Variants in PLEKHS1 observed in about 807,000 individuals in gnomAD.
PLEKHS1 encodes the protein pleckstrin homology domain-containing family S member 1.
Under a neutral mutation model 51.0 loss-of-function variants are expected in PLEKHS1, and 55 were observed. The observed-to-expected ratio is 1.08, with a 90% CI of 0.87 to 1.35. The LOEUF is 1.35. Among genes scored for constraint, PLEKHS1 ranks in the 40% most tolerant of loss-of-function variants. The pLI is 0.00. For synonymous variants in PLEKHS1, 153 were observed against 144.8 expected, an observed-to-expected ratio of 1.06 and a Z score of -0.41; for missense variants, 398 against 423.0, an observed-to-expected ratio of 0.94 and a Z score of 0.52.
chr10:113,777,458 G>A, intron 11 of PLEKHS1, 199 bp downstream of exon 12: 1 of 1,600,306 alleles, frequency 6.2e-7, no homozygotes, highest in Non-Finnish European at 8.5e-7. Context: ...AGAAGGCACT[G>A]AGCTAAGAGA....
At chr10:113,757,406 A>G (rs1161937327) in intron 2 of PLEKHS1, among the ~76,000 whole-genome samples, 1 of 152,190 alleles carries the variant, frequency 6.6e-6, no homozygotes, top group Non-Finnish European at 1.5e-5. Context: ...AGTCACATGA[A>G]TTTATTGGAT....
intron 5 of PLEKHS1, among the ~76,000 whole-genome samples, chr10:113,767,803 G>C (rs1844231525): frequency 6.6e-6 from 1 of 152,150 alleles, no homozygotes; most frequent in Non-Finnish European, 1.5e-5. Flanking sequence ...ATTTGTTCCA[G>C]GGGCCTCTCC....
intron 8 of PLEKHS1, among the ~76,000 whole-genome samples, chr10:113,772,881 CA>C (rs1403962144): frequency 2.0e-5 from 3 of 152,126 alleles, no homozygotes; most frequent in African/African-American, 7.2e-5. Flanking sequence ...ATTCTGTAGA[CA>C]GCATAGGGGA....
intron 2 of PLEKHS1, among the ~76,000 whole-genome samples, chr10:113,761,908 C>T (rs889664796): frequency 6.6e-6 from 1 of 152,056 alleles, no homozygotes; most frequent in Admixed American, 6.5e-5. Context: ...TTGATTATTT[C>T]TTGCTTACAT....
chr10:113,765,523 C>A, intron 2 of PLEKHS1: 1 of 625,944 alleles, frequency 1.6e-6, no homozygotes, highest in Non-Finnish European at 3.0e-6. Context: ...TGCCCTTTGG[C>A]TTAGCAGACA....
At chr10:113,764,333 C>T (rs1844072280) in intron 2 of PLEKHS1, among the ~76,000 whole-genome samples, 1 of 152,144 alleles carries the variant, frequency 6.6e-6, no homozygotes, top group Admixed American at 6.5e-5. Context: ...CCCCTGATCT[C>T]AGGAAATCCA....
chr10:113,773,073 G>T (rs1278137093), intron 8 of PLEKHS1, among the ~76,000 whole-genome samples: 2 of 152,200 alleles, frequency 1.3e-5, no homozygotes, highest in Non-Finnish European at 2.9e-5. Context: ...GTAAGATGGT[G>T]ACGTATGTTT....
chr10:113,760,422 G>A (rs1020526193), intron 2 of PLEKHS1, among the ~76,000 whole-genome samples: 3 of 152,140 alleles, frequency 2.0e-5, no homozygotes, highest in East Asian at 3.8e-4. Context: ...GGGAGGCCAA[G>A]GCAGTAGTAT....
chr10:113,773,036 C>T (rs12413505), intron 8 of PLEKHS1, among the ~76,000 whole-genome samples: 25,317 of 152,106 alleles, frequency 0.17, 2,510 homozygotes, highest in East Asian at 0.33. Flanking sequence ...GGGAATGCTG[C>T]GTCATTTCCC....
At chr10:113,762,378 T>TTTTTTTTTTTTTTTTTTTTTTTTG (rs1843978742) in intron 2 of PLEKHS1, among the ~76,000 whole-genome samples, 1 of 148,524 alleles carries the variant, frequency 6.7e-6, no homozygotes, top group African/African-American at 2.4e-5. Context: ...TTTTTTTTTT[T>TTTTTTTTTTTTTTTTTTTTTTTTG]TTTTTTTTCA....
chr10:113,752,492 G>T (rs1399403589), intron 1 of PLEKHS1, among the ~76,000 whole-genome samples: 1 of 152,124 alleles, frequency 6.6e-6, no homozygotes, highest in African/African-American at 2.4e-5. Context: ...AGCATTTATT[G>T]AGCTTCTATT....
chr10:113,777,948 C>T, intron 11 of PLEKHS1: 1 of 409,292 alleles, frequency 2.4e-6, no homozygotes, highest in Non-Finnish European at 4.4e-6. Context: ...TATGATTGCA[C>T]CACTGCACTC....
At chr10:113,767,557 A>G in intron 5 of PLEKHS1, 78 bp downstream of exon 5, 2 of 1,384,794 alleles carry the variant, frequency 1.4e-6, no homozygotes, top group South Asian at 1.6e-5. Flanking sequence ...ATTTTATACC[A>G]ATAAACATGT....
intron 1 of PLEKHS1, among the ~76,000 whole-genome samples, chr10:113,755,023 G>T (rs767529942): frequency 6.6e-6 from 1 of 152,146 alleles, no homozygotes; most frequent in Admixed American, 6.5e-5. Flanking sequence ...CAACACCTCC[G>T]CAGAACCACC....
intron 2 of PLEKHS1, 135 bp from the exon 3 acceptor site, chr10:113,766,276 G>A: frequency 1.6e-6 from 1 of 609,276 alleles, no homozygotes; most frequent in Non-Finnish European, 2.9e-6. Context: ...GTTTTCTTGG[G>A]TTATTATAGG....
At chr10:113,769,795 A>G in exon 7 of PLEKHS1, 26 of 1,611,966 alleles carry the variant, frequency 1.6e-5, no homozygotes, top group Non-Finnish European at 2.1e-5. Flanking sequence ...AGGAACTCTC[A>G]TTGGGTAATA....
In PLEKHS1 at chr10:113,772,105, C is replaced by T; in HGVS notation, c.672+16C>T. The T allele has an allele frequency of 6.2e-7, 1 of 1,610,004 alleles. No individual in the cohort carries two copies. Among genetic ancestry groups the T allele is most frequent in the South Asian group, 1.1e-5 (1 of 90,010 alleles). On this transcript the variant is annotated intron_variant, in intron 8 of 11. Transcript: ENST00000361048. ...TCTTTTAGAGGTAACCCCTTCTTGTCCATTCATCATTTGTTTCTTTAACAA... is the reference window on the plus strand; with the variant it reads ...TCTTTTAGAGGTAACCCCTTCTTGTTCATTCATCATTTGTTTCTTTAACAA...
At chr10:113,782,501 C>G (rs946669889), downstream of PLEKHS1, 1 of 152,204 alleles carries the variant, frequency 6.6e-6, no homozygotes, top group African/African-American at 2.4e-5. Flanking sequence ...GGAGATGGAG[C>G]CTGGTGGGAG....
chr10:113,753,748 T>C (rs1853961201), intron 1 of PLEKHS1, among the ~76,000 whole-genome samples: 1 of 152,138 alleles, frequency 6.6e-6, no homozygotes, highest in African/African-American at 2.4e-5. Context: ...CAAAAGCATA[T>C]CTTAGAACTT....
Sources: gnomAD v4.1 joint callset for allele counts (sites outside exome capture counted in the v4.1 genomes callset) on GRCh38, gnomAD v4.1.1 for gene constraint, MANE v1.5 for transcripts, NCBI Gene and HGNC (gene_info 2026-07-23, HGNC 2026-07-21) for gene names.